Variants in THAP8 observed in about 807,000 individuals in gnomAD.
The protein encoded by THAP8 is THAP domain-containing protein 8.
A neutral mutation model predicts 25.0 loss-of-function variants in THAP8; 24 were observed. That is an observed-to-expected ratio of 0.96 (90% CI 0.69 to 1.35). The LOEUF (loss-of-function observed/expected upper bound fraction) is 1.35. THAP8 is among the 40% of genes most tolerant of loss of function. The pLI is 0.00. For missense variants in THAP8, 399 were observed against 368.8 expected, an observed-to-expected ratio of 1.08 and a Z score of -0.67; for synonymous variants, 169 against 157.6, an observed-to-expected ratio of 1.07 and a Z score of -0.54.
chr19:36,040,182 C>CT, intron 1 of THAP8, 46 bp from the exon 2 acceptor site: 1 of 1,539,870 alleles, frequency 6.5e-7, no homozygotes. Context: ...GAGGTTCAGA[C>CT]TTATCCCTCC....
At chr19:36,038,626 T>C (rs10421377) in intron 3 of THAP8, among the ~76,000 whole-genome samples, 102,766 of 152,002 alleles carry the variant, frequency 0.68, 35,283 homozygotes, top group East Asian at 0.79. Context: ...CCAAGGCAGG[T>C]GGATCACGAG....
At chr19:36,050,763 C>T (rs113346420) in intron 1 of THAP8, among the ~76,000 whole-genome samples, 3 of 152,200 alleles carry the variant, frequency 2.0e-5, no homozygotes, top group Admixed American at 6.5e-5. Flanking sequence ...CAAAAAGTTG[C>T]TGAATTAATC....
intron 1 of THAP8, among the ~76,000 whole-genome samples, chr19:36,052,953 T>C (rs1243609082): frequency 6.6e-6 from 1 of 152,188 alleles, no homozygotes; most frequent in Non-Finnish European, 1.5e-5. Context: ...CTGGGTGCAG[T>C]GGCTCACGCC....
At chr19:36,047,421 C>T (rs1199955292) in intron 1 of THAP8, among the ~76,000 whole-genome samples, 1 of 152,172 alleles carries the variant, frequency 6.6e-6, no homozygotes, top group Non-Finnish European at 1.5e-5. Context: ...CTCTTCCTCC[C>T]TTCCCTTTTC....
At chr19:36,052,232 AC>A (rs1201798585) in intron 1 of THAP8, among the ~76,000 whole-genome samples, 1 of 151,966 alleles carries the variant, frequency 6.6e-6, no homozygotes, top group Non-Finnish European at 1.5e-5. Flanking sequence ...TTTAGTAGAG[AC>A]AAGGTTTCGC....
In THAP8 at chr19:36,037,243, TACACACACACACACAC is replaced by T. The variant is rs67358015; in HGVS notation, c.673-1667_673-1652del. On this transcript the variant is annotated intron_variant, in intron 3 of 3. Transcript: ENST00000292894. Reference sequence around the variant, plus strand: ...AACACCCTTCCTCAACTTCCTCCCCTACACACACACACACACACACACACACACACACACACCTTCC... The same window carrying T: ...AACACCCTTCCTCAACTTCCTCCCCTACACACACACACACACACACCTTCC... 3.3e-3 allele frequency among the ~76,000 whole-genome samples: 382 copies of T among 114,230 alleles called. 2 individuals carry two copies. The highest frequency in any genetic ancestry group is 5.5e-3 in the Admixed American group (60 of 10,914). The allele number at this position is 114,230 out of a possible 152,430, so 74.9% of individuals were successfully genotyped here. A position where few individuals can be genotyped will look rare whatever the true frequency, so the allele number is the denominator to read the frequency against.
rs2145421328 is a variant in THAP8, at chr19:36,035,583, G to C, written c.682C>G (p.Gln228Glu). The change falls in exon 4 of 4, where the codon CAG becomes GAG. Residue 228 changes from glutamine (Q) to glutamate (E), a missense_variant. Gln to Glu is a conservative substitution (Grantham distance 29). Transcript: ENST00000292894. ...RRGLQRLTTA[Q>E]TLGPEESQTF... ...TGGGATTCCTCAGGTCCAAGGGTCT[G>C]GGCTGTTGTCTAAGGCAAAGAAGTG... 1 of 1,613,738 alleles carries C rather than the reference G, an allele frequency of 6.2e-7. No homozygotes were observed. The highest frequency in any genetic ancestry group is 8.5e-7 in the Non-Finnish European group (1 of 1,179,810).
chr19:36,050,381 C>A (rs1039905466), intron 1 of THAP8, among the ~76,000 whole-genome samples: 2 of 152,088 alleles, frequency 1.3e-5, no homozygotes, highest in Non-Finnish European at 2.9e-5. Flanking sequence ...TGGGCTCAAG[C>A]GATCCTCCTG....
intron 1 of THAP8, 60 bp downstream of exon 1, chr19:36,054,075 T>C: frequency 6.4e-7 from 1 of 1,566,744 alleles, no homozygotes; most frequent in Non-Finnish European, 8.7e-7. Context: ...GCACTAATGC[T>C]CGGGCCCCAC....
At chr19:36,052,863 A>T (rs1343482255) in intron 1 of THAP8, among the ~76,000 whole-genome samples, 1 of 152,222 alleles carries the variant, frequency 6.6e-6, no homozygotes, top group African/African-American at 2.4e-5. Flanking sequence ...TTTCCTACTA[A>T]GAAAGCAGTA....
At chr19:36,054,043 A>C in intron 1 of THAP8, 92 bp downstream of exon 1, 1 of 1,430,564 alleles carries the variant, frequency 7.0e-7, no homozygotes, top group Middle Eastern at 1.7e-4. Context: ...CCCTCAAGCA[A>C]GACCAGAAGC....
At position 36,035,363 on chromosome 19, in the gene THAP8, C is replaced by G; in HGVS notation, c.*77G>C. 6.5e-7 allele frequency: 1 copy of G among 1,542,006 alleles called. No homozygotes were observed. Among genetic ancestry groups the G allele is most frequent in the Non-Finnish European group, 8.8e-7 (1 of 1,137,866 alleles). On this transcript the variant is annotated 3_prime_UTR_variant, in exon 4 of 4. Coordinates refer to ENST00000292894, the MANE Select transcript of THAP8 (RefSeq NM_152658.3). ...TACTACCCAGGCGTGGGCGGTGGGG[C>G]TGGGCCAAGCCCACGTATAATGTCT...
rs528903914 is a variant in THAP8 at position 36,035,239 on chromosome 19, T to C, written c.*201A>G. 8.7e-6 allele frequency: 5 copies of C among 575,804 alleles called. No individual in the cohort carries two copies. In the Admixed American group the frequency reaches 9.8e-5, roughly 11 times the overall value. 35.7% of individuals were successfully genotyped at this position (575,804 alleles called of 1,614,324 possible). A position where few individuals can be genotyped will look rare whatever the true frequency, so the allele number is the denominator to read the frequency against. On this transcript the variant is annotated 3_prime_UTR_variant, in exon 4 of 4. Transcript: ENST00000292894. The stretch of plus-strand genomic sequence containing the variant: ...TGGCAGAAGCCTGGTACCCAGGGGA[T>C]TGGGGGCTGATGAGAGACTTGGGCC...
upstream of THAP8, chr19:36,054,399 A>ACAGTCCCG (rs1484309638): frequency 2.8e-5 from 19 of 684,492 alleles, no homozygotes; most frequent in Non-Finnish European, 4.0e-5. Context: ...CCACAGTGCC[A>ACAGTCCCG]CAGTCCCGCC....
In THAP8 at chr19:36,054,179, A is replaced by G. The variant is rs763096411; in HGVS notation, c.39T>C (p.Thr13=). The G allele has an allele frequency of 2.5e-6, 4 of 1,613,804 alleles. No individual in the cohort carries two copies. The highest frequency in any genetic ancestry group is 2.2e-5 in the South Asian group (2 of 91,066). The change falls in exon 1 of 4, where the codon ACT becomes ACC. Residue 13 remains threonine, a synonymous_variant. Transcript: ENST00000292894. ...KYCRAPNCSN[T]AGRLGADNRP... is the part of the protein sequence containing the mutation. Reference sequence around the variant, plus strand: ...GGTTGTCTGCACCCAGGCGGCCCGCAGTGTTGGAGCAGTTCGGCGCCCTGC... The same window carrying G: ...GGTTGTCTGCACCCAGGCGGCCCGCGGTGTTGGAGCAGTTCGGCGCCCTGC...
At chr19:36,049,782 G>A (rs2145457615) in intron 1 of THAP8, among the ~76,000 whole-genome samples, 1 of 152,356 alleles carries the variant, frequency 6.6e-6, no homozygotes, top group South Asian at 2.1e-4. Context: ...GCCAGGCACG[G>A]TTGCTCACGC....
upstream of THAP8, chr19:36,054,326 G>A: frequency 7.7e-7 from 1 of 1,298,458 alleles, no homozygotes; most frequent in Non-Finnish European, 1.1e-6. Context: ...CTCACGTGAC[G>A]TCCGTGGAGT....
chr19:36,039,744 G>A (rs1568550603), intron 2 of THAP8, 26 bp from the exon 3 acceptor site: 4 of 1,492,714 alleles, frequency 2.7e-6, no homozygotes, highest in East Asian at 4.9e-5. Flanking sequence ...TGGGGTGCAG[G>A]GGTGCCGTGG....
chr19:36,048,362 T>G (rs1969943533), intron 1 of THAP8, among the ~76,000 whole-genome samples: 2 of 148,272 alleles, frequency 1.3e-5, no homozygotes. Flanking sequence ...TAGTGGGACT[T>G]CATTTCTTTT....
Sources: allele counts gnomAD v4.1 joint callset (sites outside exome capture counted in the v4.1 genomes callset), GRCh38; gene constraint gnomAD v4.1.1; transcripts MANE v1.5; gene names NCBI Gene and HGNC (gene_info 2026-07-23, HGNC 2026-07-21).